KSR2: variants seen among roughly 807,000 people sequenced by gnomAD.
KSR2 encodes kinase suppressor of ras 2.
KSR2 carries 25 observed loss-of-function variants against 107.8 expected under a neutral mutation model. The ratio of observed to expected loss-of-function variants is 0.23; its 90% CI spans 0.17 to 0.32. The LOEUF is 0.32. Ranked by LOEUF, KSR2 falls within the 10% of genes least tolerant of loss-of-function variation. KSR2 has a pLI of 1.00. For synonymous variants in KSR2, 480 were observed against 507.0 expected (o/e 0.95, Z 0.71); for missense variants, 887 against 1,268.9 (o/e 0.70, Z 4.57).
At chr12:117,956,721 G>A (rs979853083) in intron 1 of KSR2, among the ~76,000 whole-genome samples, 8 of 151,798 alleles carry the variant, frequency 5.3e-5, no homozygotes, top group African/African-American at 1.9e-4. Flanking sequence ...GAGCTCAGGG[G>A]TTCAAGGCCA....
chr12:117,539,592 T>C (rs780348210), intron 10 of KSR2, 127 bp downstream of exon 10: 25 of 851,576 alleles, frequency 2.9e-5, no homozygotes, highest in Non-Finnish European at 4.2e-5. Flanking sequence ...TGCCCCTCTC[T>C]GGTCATTGAC....
chr12:117,596,790 T>C (rs17618615), intron 5 of KSR2, among the ~76,000 whole-genome samples: 5,652 of 152,294 alleles, frequency 0.037, 264 homozygotes, highest in South Asian at 0.14. Context: ...CTAGTAGGCA[T>C]GTCCCTCTAA....
At chr12:117,674,414 C>T (rs1436091620) in intron 4 of KSR2, 2 of 456,166 alleles carry the variant, frequency 4.4e-6, no homozygotes, top group African/African-American at 4.0e-5. Context: ...AACTCTGTAG[C>T]ATTAAGTTCA....
intron 3 of KSR2, among the ~76,000 whole-genome samples, chr12:117,787,559 G>C (rs1277451634): frequency 6.6e-6 from 1 of 152,136 alleles, no homozygotes; most frequent in Admixed American, 6.5e-5. Flanking sequence ...CTTGAACCCA[G>C]GAGGCAGAAG....
At chr12:117,503,655 G>A (rs931599794) in intron 14 of KSR2, among the ~76,000 whole-genome samples, 1 of 152,186 alleles carries the variant, frequency 6.6e-6, no homozygotes, top group Non-Finnish European at 1.5e-5. Flanking sequence ...AGAAATAAAT[G>A]TTCACAGAGA....
chr12:117,815,483 A>C (rs865784934), intron 3 of KSR2, among the ~76,000 whole-genome samples: 3 of 152,330 alleles, frequency 2.0e-5, no homozygotes, highest in African/African-American at 7.2e-5. Flanking sequence ...TTTATTATTA[A>C]TGTTACCAAG....
At chr12:117,672,398 A>T (rs920327334) in intron 4 of KSR2, among the ~76,000 whole-genome samples, 2 of 152,264 alleles carry the variant, frequency 1.3e-5, no homozygotes, top group East Asian at 1.9e-4. Flanking sequence ...CGGTTTCCTC[A>T]TCTGGGCAAT....
chr12:117,617,853 AC>A (rs1881969600), intron 5 of KSR2, among the ~76,000 whole-genome samples: 1 of 152,298 alleles, frequency 6.6e-6, no homozygotes, highest in South Asian at 2.1e-4. Context: ...GCTTTAAAAA[AC>A]CCAGATTAAA....
Position 117,843,823 on chromosome 12 carries a change from C to T in KSR2, c.472+11605G>A, listed in dbSNP as rs185361221. On this transcript the variant is annotated intron_variant, in intron 3 of 19. Transcript: ENST00000339824. ...ATCTATCCAAGCCTGTCTTCATGGT[C>T]CCTTCCAACAGCTGGACGTATTGGC... 5.9e-5 allele frequency among the ~76,000 whole-genome samples: 9 copies of T among 152,288 alleles called. No individual in the cohort carries two copies. In the East Asian group the frequency reaches 1.7e-3, roughly 29 times the overall value.
At chr12:117,843,434 T>C (rs552094665) in intron 3 of KSR2, among the ~76,000 whole-genome samples, 1 of 152,304 alleles carries the variant, frequency 6.6e-6, no homozygotes, top group South Asian at 2.1e-4. Flanking sequence ...CTCCCAGTCA[T>C]GGATTAGCCC....
intron 1 of KSR2, among the ~76,000 whole-genome samples, chr12:117,919,423 G>C (rs992900737): frequency 6.6e-6 from 1 of 152,152 alleles, no homozygotes; most frequent in South Asian, 2.1e-4. Flanking sequence ...ATAAGTGGAG[G>C]GATCATCAGC....
intron 14 of KSR2, among the ~76,000 whole-genome samples, chr12:117,501,042 C>T (rs1485730553): frequency 3.9e-5 from 6 of 152,162 alleles, no homozygotes; most frequent in Non-Finnish European, 8.8e-5. Context: ...GCCCGCGGGC[C>T]AAAAGTAGCC....
At position 117,788,984 on chromosome 12, in the gene KSR2, C is replaced by T. The variant is rs138364981; in HGVS notation, c.473-27460G>A. Among the ~76,000 whole-genome samples the T allele has an allele frequency of 2.1e-3, 319 of 152,286 alleles. 2 individuals carry two copies. Among genetic ancestry groups the T allele is most frequent in the African/African-American group, 7.5e-3 (311 of 41,564 alleles). ...TATTAAAACAACGTTAGGCTCCACC[C>T]CTAAGTTTCCCATACCTGGGATCTG... On this transcript the variant is annotated intron_variant, in intron 3 of 19. Coordinates refer to ENST00000339824, the MANE Select transcript of KSR2 (RefSeq NM_173598.6).
chr12:117,468,644 T>A (rs1043088365), intron 19 of KSR2, among the ~76,000 whole-genome samples: 7 of 152,074 alleles, frequency 4.6e-5, no homozygotes, highest in African/African-American at 1.7e-4. Flanking sequence ...GGTGGGAGTA[T>A]CTGTATCTGT....
rs1871124784 is a variant in KSR2 at position 117,465,952 on chromosome 12, A to T, written c.*1247T>A. ...CAGGGGCTTCCCCAACATGGTCAGG[A>T]AGAGTCGCCGGCCCAGGTTGGGATC... On this transcript the variant is annotated 3_prime_UTR_variant, in exon 20 of 20. Transcript: ENST00000339824. 6.6e-6 allele frequency: 1 copy of T among 152,246 alleles called. No individual in the cohort carries two copies. The highest frequency in any genetic ancestry group is 1.5e-5 in the Non-Finnish European group (1 of 68,084). The allele number at this position is 152,246 out of a possible 1,614,324, so 9.4% of individuals were successfully genotyped here.
chr12:117,953,212 G>T (rs1197444647), intron 1 of KSR2, among the ~76,000 whole-genome samples: 1 of 150,994 alleles, frequency 6.6e-6, no homozygotes, highest in Non-Finnish European at 1.5e-5. Flanking sequence ...AGGATGTAGA[G>T]AAATTGCTGG....
chr12:117,827,809 G>GA (rs1891814004), intron 3 of KSR2, among the ~76,000 whole-genome samples: 1 of 152,162 alleles, frequency 6.6e-6, no homozygotes, highest in Non-Finnish European at 1.5e-5. Flanking sequence ...CATAGAAGGT[G>GA]ATGAAAGCAC....
At chr12:117,859,294 C>T (rs182975481) in intron 2 of KSR2, among the ~76,000 whole-genome samples, 13 of 151,778 alleles carry the variant, frequency 8.6e-5, no homozygotes, top group Admixed American at 2.6e-4. Context: ...TGCAGGCGTG[C>T]ACCACCATGC....
At chr12:117,957,048 TTC>T (rs1367663812) in intron 1 of KSR2, among the ~76,000 whole-genome samples, 2 of 152,244 alleles carry the variant, frequency 1.3e-5, no homozygotes, top group Non-Finnish European at 2.9e-5. Context: ...AGATTAAGTA[TTC>T]CATCATCGTG....
Sources: gnomAD v4.1 joint callset for allele counts (sites outside exome capture counted in the v4.1 genomes callset) on GRCh38, gnomAD v4.1.1 for gene constraint, MANE v1.5 for transcripts, NCBI Gene and HGNC (gene_info 2026-07-23, HGNC 2026-07-21) for gene names.